TTLL11: variants seen among roughly 807,000 people sequenced by gnomAD.
TTLL11 encodes the protein tubulin polyglutamylase TTLL11.
TTLL11 carries 42 observed loss-of-function variants against 51.7 expected under a neutral mutation model. The observed-to-expected ratio is 0.81, with a 90% confidence interval of 0.64 to 1.05. TTLL11 has a LOEUF of 1.05. Among genes scored for constraint, TTLL11 ranks in the 50% least tolerant of loss-of-function variants. The pLI is 0.00. For missense variants in TTLL11, 799 were observed against 940.4 expected (o/e 0.85, Z 1.97); for synonymous variants, 381 against 383.5 (o/e 0.99, Z 0.08).
At chr9:121,827,451 G>C (rs1208943074) in intron 8 of TTLL11, among the ~76,000 whole-genome samples, 1 of 152,118 alleles carries the variant, frequency 6.6e-6, no homozygotes, top group Non-Finnish European at 1.5e-5. Flanking sequence ...AACAGGGCTC[G>C]ACCCCAGCTC....
intron 6 of TTLL11, among the ~76,000 whole-genome samples, chr9:121,960,266 G>A (rs116776148): frequency 1.3e-3 from 197 of 152,230 alleles, no homozygotes; most frequent in African/African-American, 4.5e-3. Flanking sequence ...ATCCATGCAC[G>A]AAGCTATAAT....
Position 121,834,512 on chromosome 9 carries a change from A to T in TTLL11, c.1841-11633T>A, listed in dbSNP as rs898841769. ...TTTTTTTTCACAAGGTACCACACAG[A>T]AAAAGCAACACAGTGCTTAAAAAAT... On this transcript the variant is annotated intron_variant, in intron 8 of 8. Transcript: ENST00000321582. 5.4e-4 allele frequency among the ~76,000 whole-genome samples: 82 copies of T among 151,270 alleles called. No homozygotes were observed. The Middle Eastern group carries it at 0.01, about 19-fold the overall frequency.
chr9:122,093,225 C>T lies in TTLL11; in HGVS notation c.-77G>A. 1 of 1,492,786 alleles carries T rather than the reference C, an allele frequency of 6.7e-7. No homozygotes were observed. Among genetic ancestry groups the T allele is most frequent in the Non-Finnish European group, 8.8e-7 (1 of 1,131,246 alleles). The allele number at this position is 1,492,786 out of a possible 1,614,324, so 92.5% of individuals were successfully genotyped here. A position where few individuals can be genotyped will look rare whatever the true frequency, so the allele number is the denominator to read the frequency against. ...TCCGCCGCCCCAGTCCGCCACCAAA[C>T]TGCCGCCGCTGCAGCCGCTGCCACG... On this transcript the variant is annotated 5_prime_UTR_variant, in exon 1 of 9. Transcript: ENST00000321582.
rs572595824 is a variant in TTLL11 at position 121,999,096 on chromosome 9, A to C, written c.694-9326T>G. Among the ~76,000 whole-genome samples the C allele has an allele frequency of 3.3e-5, 5 of 152,220 alleles. No individual in the cohort carries two copies. In the South Asian group the frequency reaches 1.0e-3, roughly 32 times the overall value. Reference sequence around the variant, plus strand: ...TCTCTTGCCCACTACATCCCCAGCTATCACTGGAAGAGCCTTAATGGAGGC... The same window carrying C: ...TCTCTTGCCCACTACATCCCCAGCTCTCACTGGAAGAGCCTTAATGGAGGC... On this transcript the variant is annotated intron_variant, in intron 3 of 8. Coordinates refer to ENST00000321582, the MANE Select transcript of TTLL11 (RefSeq NM_001139442.2).
chr9:122,002,627 C>T (rs942163653), intron 3 of TTLL11, among the ~76,000 whole-genome samples: 1 of 152,078 alleles, frequency 6.6e-6, no homozygotes, highest in African/African-American at 2.4e-5. Flanking sequence ...GGAAAACATC[C>T]AGATTCCCTG....
At chr9:122,008,716 A>G (rs776842475) in intron 3 of TTLL11, among the ~76,000 whole-genome samples, 4 of 152,262 alleles carry the variant, frequency 2.6e-5, no homozygotes, top group Non-Finnish European at 5.9e-5. Flanking sequence ...AGGAAATGAA[A>G]CCAATATGTT....
intron 7 of TTLL11, among the ~76,000 whole-genome samples, chr9:121,862,547 G>T (rs548478565): frequency 1.3e-5 from 2 of 152,240 alleles, no homozygotes; most frequent in East Asian, 3.9e-4. Flanking sequence ...GAGTGACCCT[G>T]CCCGTTCTGG....
intron 6 of TTLL11, among the ~76,000 whole-genome samples, chr9:121,971,067 T>G (rs1205584128): frequency 3.8e-5 from 4 of 105,894 alleles, no homozygotes; most frequent in African/African-American, 3.6e-5. Context: ...GGGAGGGAGG[T>G]GGGGGGGTCA....
chr9:122,077,110 A>G (rs1845883384), intron 1 of TTLL11, among the ~76,000 whole-genome samples: 1 of 152,206 alleles, frequency 6.6e-6, no homozygotes. Context: ...AATGAAGGTA[A>G]TTTTGGACAA....
chr9:121,999,154 T>C (rs1843384201), intron 3 of TTLL11, among the ~76,000 whole-genome samples: 1 of 152,220 alleles, frequency 6.6e-6, no homozygotes, highest in African/African-American at 2.4e-5. Context: ...AACCCACCTC[T>C]GTCTCATTTG....
At chr9:122,040,749 T>A (rs188784231) in intron 1 of TTLL11, among the ~76,000 whole-genome samples, 1 of 152,312 alleles carries the variant, frequency 6.6e-6, no homozygotes, top group Admixed American at 6.5e-5. Flanking sequence ...TTTAAATCAG[T>A]CACATTATTT....
rs1842152144 is a variant in TTLL11 at position 121,959,735 on chromosome 9, T to C, written c.1481+14274A>G. ...CAGCCAAAGTGATGGTTTTAAAACA[T>C]AAACCTCATCGTGTCAGCCTGCTTT... is the stretch of plus-strand genomic sequence containing the variant. On this transcript the variant is annotated intron_variant, in intron 6 of 8. Transcript: ENST00000321582. Among the ~76,000 whole-genome samples the C allele has an allele frequency of 3.3e-5, 5 of 152,108 alleles. No individual in the cohort carries two copies. The South Asian group carries it at 6.2e-4, about 19-fold the overall frequency.
At chr9:121,873,642 C>CTCT (rs376804339) in intron 6 of TTLL11, among the ~76,000 whole-genome samples, 1,351 of 134,018 alleles carry the variant, frequency 0.01, 16 homozygotes, top group African/African-American at 0.023. Flanking sequence ...TCCTCCTCCT[C>CTCT]TCTTCTTCTT....
chr9:121,872,866 T>C (rs1385490974), intron 6 of TTLL11, among the ~76,000 whole-genome samples: 2 of 152,230 alleles, frequency 1.3e-5, no homozygotes, highest in African/African-American at 2.4e-5. Context: ...GAGAGGCGAA[T>C]GTGCCCAAAG....
intron 6 of TTLL11, among the ~76,000 whole-genome samples, chr9:121,953,712 T>C (rs1841930110): frequency 6.7e-6 from 1 of 148,990 alleles, no homozygotes; most frequent in Non-Finnish European, 1.5e-5. Context: ...AACCAGTTTA[T>C]AGAGACCAAC....
At chr9:121,838,064 T>C (rs1302223693) in intron 8 of TTLL11, among the ~76,000 whole-genome samples, 3 of 152,248 alleles carry the variant, frequency 2.0e-5, no homozygotes, top group South Asian at 2.1e-4. Flanking sequence ...AATGAATCCA[T>C]GCCCTCCAAA....
At chr9:122,091,740 C>T (rs1030604021) in intron 1 of TTLL11, among the ~76,000 whole-genome samples, 6 of 152,222 alleles carry the variant, frequency 3.9e-5, no homozygotes, top group African/African-American at 1.4e-4. Flanking sequence ...CTTAATCAAA[C>T]TCCTGACACT....
intron 6 of TTLL11, chr9:121,884,599 A>C (rs2131425427): frequency 6.6e-6 from 1 of 152,198 alleles, no homozygotes; most frequent in African/African-American, 2.4e-5. Flanking sequence ...ACAAAAAAAA[A>C]CCACTGGCAA....
rs10985516 is a variant in TTLL11, at chr9:122,073,063, A to G, written c.462+19624T>C. On this transcript the variant is annotated intron_variant, in intron 1 of 8. Coordinates refer to ENST00000321582, the MANE Select transcript of TTLL11 (RefSeq NM_001139442.2). ...AGGCATTGTGCAGTATGAGGATCCA[A>G]TAATAACAATAATGAACAAGACAGA... 1.7e-3 allele frequency among the ~76,000 whole-genome samples: 262 copies of G among 152,346 alleles called. 1 individual carries two copies. The highest frequency in any genetic ancestry group is 3.4e-3 in the Middle Eastern group (1 of 294).
Sources: allele counts gnomAD v4.1 joint callset (sites outside exome capture counted in the v4.1 genomes callset), GRCh38; gene constraint gnomAD v4.1.1; transcripts MANE v1.5; gene names NCBI Gene and HGNC (gene_info 2026-07-23, HGNC 2026-07-21).